Variants in POLR2D observed in about 807,000 individuals in gnomAD.
POLR2D encodes DNA-directed RNA polymerase II subunit RPB4.
A neutral mutation model predicts 17.6 loss-of-function variants in POLR2D; 10 were observed. That is an observed-to-expected ratio of 0.57 (90% CI 0.35 to 0.96). The LOEUF (loss-of-function observed/expected upper bound fraction) is 0.96, where lower values mean the gene tolerates loss of function less well. Among genes scored for constraint, POLR2D ranks in the 40% least tolerant of loss-of-function variants. The pLI, the probability that POLR2D is intolerant of heterozygous loss-of-function variation, is 0.02. For missense variants in POLR2D, 126 were observed against 176.4 expected (o/e 0.71, Z 1.62); for synonymous variants, 52 against 60.2 (o/e 0.86, Z 0.63).
At position 127,845,788 on chromosome 2, in the gene POLR2D, C is replaced by G. The variant is rs1303403951; in HGVS notation, c.*2319G>C. 1.3e-5 allele frequency: 2 copies of G among 152,152 alleles called. No individual in the cohort carries two copies. Among genetic ancestry groups the G allele is most frequent in the Non-Finnish European group, 2.9e-5 (2 of 68,034 alleles). 9.4% of individuals were successfully genotyped at this position (152,152 alleles called of 1,614,324 possible). A position where few individuals can be genotyped will look rare whatever the true frequency, so the allele number is the denominator to read the frequency against. On this transcript the variant is annotated 3_prime_UTR_variant, in exon 4 of 4. Transcript: ENST00000272645. The stretch of plus-strand genomic sequence containing the variant: ...CATCTATCTATACTAGCTCATCTGC[C>G]TGAGATGCTAAGAATAGTGAACATT...
intron 1 of POLR2D, among the ~76,000 whole-genome samples, chr2:127,857,312 T>C (rs958183235): frequency 6.6e-6 from 1 of 152,164 alleles, no homozygotes. Flanking sequence ...GGCGAGACCC[T>C]ATCTCAATCA....
chr2:127,845,200 C>T lies in POLR2D; in HGVS notation c.*2907G>A, dbSNP rs906164541. 1 of 152,156 alleles carries T rather than the reference C, an allele frequency of 6.6e-6. No individual in the cohort carries two copies. The highest frequency in any genetic ancestry group is 6.6e-5 in the Admixed American group (1 of 15,262). The allele number at this position is 152,156 out of a possible 1,614,324, so 9.4% of individuals were successfully genotyped here. On this transcript the variant is annotated 3_prime_UTR_variant, in exon 4 of 4. Coordinates refer to ENST00000272645, the MANE Select transcript of POLR2D (RefSeq NM_004805.4). The stretch of plus-strand genomic sequence containing the variant: ...ATTCCACTGCTTTAGTGCCAATCAG[C>T]ACATGTAAGTGCCTCTCTCAAGAAA...
At chr2:127,848,986 T>C (rs1226334626) in intron 3 of POLR2D, among the ~76,000 whole-genome samples, 1 of 151,552 alleles carries the variant, frequency 6.6e-6, no homozygotes, top group African/African-American at 2.4e-5. Context: ...ACTGTCTTCA[T>C]GTTTTCTAAT....
At chr2:127,851,891 A>G (rs1237947562) in intron 2 of POLR2D, among the ~76,000 whole-genome samples, 2 of 152,194 alleles carry the variant, frequency 1.3e-5, no homozygotes, top group African/African-American at 2.4e-5. Context: ...CCCGGGTTCA[A>G]GCAATTCTCC....
chr2:127,845,814 T>C lies in POLR2D; in HGVS notation c.*2293A>G, dbSNP rs1054722377. 43 of 152,220 alleles carry C rather than the reference T, an allele frequency of 2.8e-4. No homozygotes were observed. The highest frequency in any genetic ancestry group is 1.0e-3 in the African/African-American group (42 of 41,466). 9.4% of individuals were successfully genotyped at this position (152,220 alleles called of 1,614,324 possible). A position where few individuals can be genotyped will look rare whatever the true frequency, so the allele number is the denominator to read the frequency against. On this transcript the variant is annotated 3_prime_UTR_variant, in exon 4 of 4. Coordinates refer to ENST00000272645, the MANE Select transcript of POLR2D (RefSeq NM_004805.4). ...TGAGATGCTAAGAATAGTGAACATTTACTGGAACATACTATATATCAGACA... is the reference window on the plus strand; with the variant it reads ...TGAGATGCTAAGAATAGTGAACATTCACTGGAACATACTATATATCAGACA...
At chr2:127,856,053 C>T (rs2461448) in intron 1 of POLR2D, among the ~76,000 whole-genome samples, 4 of 151,754 alleles carry the variant, frequency 2.6e-5, no homozygotes, top group South Asian at 2.1e-4. Flanking sequence ...GTGGTCGAGG[C>T]GGGCAGATTA....
intron 1 of POLR2D, among the ~76,000 whole-genome samples, chr2:127,857,456 T>C (rs1362415647): frequency 6.6e-6 from 1 of 152,300 alleles, no homozygotes; most frequent in East Asian, 1.9e-4. Flanking sequence ...GCTGCCAAAA[T>C]AATTTGTTCC....
At chr2:127,848,488 A>G (rs9630959) in intron 3 of POLR2D, among the ~76,000 whole-genome samples, 82,885 of 151,180 alleles carry the variant, frequency 0.55, 23,343 homozygotes, top group South Asian at 0.72. Flanking sequence ...TCGGCTCACC[A>G]AAACCTCCAC....
intron 1 of POLR2D, among the ~76,000 whole-genome samples, chr2:127,857,393 C>A (rs1179393601): frequency 6.6e-6 from 1 of 152,160 alleles, no homozygotes; most frequent in Non-Finnish European, 1.5e-5. Context: ...AAGACCTCAT[C>A]CCTAGGAATA....
chr2:127,848,350 T>C (rs1211557700), intron 3 of POLR2D, among the ~76,000 whole-genome samples, 165 bp from the exon 4 acceptor site: 4 of 152,004 alleles, frequency 2.6e-5, no homozygotes, highest in African/African-American at 9.7e-5. Flanking sequence ...TTCAAACATA[T>C]AAAAGATAAA....
rs755224601 is a variant in POLR2D, at chr2:127,847,633, TAAAAAAA to T, written c.*467_*473del. Reference sequence around the variant, plus strand: ...CAAGAGTTAAGACCCTATCTCCATTTAAAAAAAAAAAAAAAAAGCATTTCAAACTAAC... The same window carrying T: ...CAAGAGTTAAGACCCTATCTCCATTTAAAAAAAAAAGCATTTCAAACTAAC... On this transcript the variant is annotated 3_prime_UTR_variant, in exon 4 of 4. Transcript: ENST00000272645. 1 of 145,294 alleles carries T rather than the reference TAAAAAAA, an allele frequency of 6.9e-6. No individual in the cohort carries two copies. Among genetic ancestry groups the T allele is most frequent in the African/African-American group, 2.8e-5 (1 of 35,464 alleles). The allele number at this position is 145,294 out of a possible 1,614,324, so 9.0% of individuals were successfully genotyped here. A position where few individuals can be genotyped will look rare whatever the true frequency, so the allele number is the denominator to read the frequency against.
rs553294705 is a variant in POLR2D, at chr2:127,848,610, G to A, written c.351-425C>T. On this transcript the variant is annotated intron_variant, in intron 3 of 3. Coordinates refer to ENST00000272645, the MANE Select transcript of POLR2D (RefSeq NM_004805.4). ...CGGCTCACTGCAAGCTCCGCCTTCC[G>A]GATTCCCACCATTCTCCTGCCTCAG... 3.3e-5 allele frequency among the ~76,000 whole-genome samples: 5 copies of A among 152,158 alleles called. No individual in the cohort carries two copies. In the South Asian group the frequency reaches 6.2e-4, roughly 19 times the overall value.
In POLR2D at chr2:127,852,605, A is replaced by G. The variant is rs2104724895; in HGVS notation, c.254+320T>C. ...CAGTTGCGCAATCTCGGCTCACTGC[A>G]ACCTTGGCCTACAGATTCAAGCGAT... On this transcript the variant is annotated intron_variant, in intron 2 of 3. Coordinates refer to ENST00000272645, the MANE Select transcript of POLR2D (RefSeq NM_004805.4). This position sits in a 1 kb window ranked among gnomAD's most constrained non-coding sequence, Gnocchi z 4.0. 6.6e-6 allele frequency among the ~76,000 whole-genome samples: 1 copy of G among 152,296 alleles called. No homozygotes were observed.
At chr2:127,854,492 G>A (rs1057271694) in intron 1 of POLR2D, among the ~76,000 whole-genome samples, 1 of 152,178 alleles carries the variant, frequency 6.6e-6, no homozygotes, top group Non-Finnish European at 1.5e-5. Context: ...CTATGGGTCT[G>A]TTTACTATCA....
At chr2:127,857,787 T>G in intron 1 of POLR2D, 1 of 1,296,646 alleles carries the variant, frequency 7.7e-7, no homozygotes, top group Non-Finnish European at 9.8e-7. Flanking sequence ...CCGGCTTTGT[T>G]TATCTTTGAC....
At chr2:127,853,180 T>G in intron 1 of POLR2D, 75 bp from the exon 2 acceptor site, 1 of 1,171,566 alleles carries the variant, frequency 8.5e-7, no homozygotes. Flanking sequence ...ACTGTGCATT[T>G]GAACATTTCT....
chr2:127,850,860 G>A lies in POLR2D; in HGVS notation c.255-175C>T, dbSNP rs539283453. Among the ~76,000 whole-genome samples, 3 of 152,290 alleles carry A rather than the reference G, an allele frequency of 2.0e-5. No homozygotes were observed. In the South Asian group the frequency reaches 6.2e-4, roughly 32 times the overall value. ...CCAGCACTCTGAGAGGCCAAGGTGG[G>A]TAATCACTTGACGTGAGGAGTTCGA... On this transcript the variant is annotated intron_variant, in intron 2 of 3. Coordinates refer to ENST00000272645, the MANE Select transcript of POLR2D (RefSeq NM_004805.4).
rs139757964 is a variant in POLR2D, at chr2:127,845,457, C to T, written c.*2650G>A. 6.7e-6 allele frequency: 1 copy of T among 149,840 alleles called. No homozygotes were observed. Among genetic ancestry groups the T allele is most frequent in the Non-Finnish European group, 1.5e-5 (1 of 67,826 alleles). 9.3% of individuals were successfully genotyped at this position (149,840 alleles called of 1,614,324 possible). ...ATGGTGCAATCTTGGCTCGCCACCC[C>T]CTCTGCCTCCCAGGTTCAAGCAATT... On this transcript the variant is annotated 3_prime_UTR_variant, in exon 4 of 4. Coordinates refer to ENST00000272645, the MANE Select transcript of POLR2D (RefSeq NM_004805.4).
Position 127,847,602 on chromosome 2 carries a change from C to G in POLR2D, c.*505G>C, listed in dbSNP as rs1690177330. 6.1e-6 allele frequency: 1 copy of G among 163,052 alleles called. No individual in the cohort carries two copies. Among genetic ancestry groups the G allele is most frequent in the South Asian group, 1.5e-4 (1 of 6,492 alleles). 10.1% of individuals were successfully genotyped at this position (163,052 alleles called of 1,614,324 possible). A position where few individuals can be genotyped will look rare whatever the true frequency, so the allele number is the denominator to read the frequency against. ...TGACTGTACGACTGCACTCCTCCAG[C>G]CTGGACAAGAGTTAAGACCCTATCT... On this transcript the variant is annotated 3_prime_UTR_variant, in exon 4 of 4. Coordinates refer to ENST00000272645, the MANE Select transcript of POLR2D (RefSeq NM_004805.4).
Sources: gnomAD v4.1 joint callset for allele counts (sites outside exome capture counted in the v4.1 genomes callset) on GRCh38, gnomAD v4.1.1 for gene constraint, Gnocchi (gnomAD v3.1) non-coding constraint, MANE v1.5 for transcripts, NCBI Gene and HGNC (gene_info 2026-07-23, HGNC 2026-07-21) for gene names.